Variants in RFX3 observed in about 807,000 individuals in gnomAD.
RFX3 encodes the protein transcription factor RFX3.
In RFX3, 14 loss-of-function variants were observed where a neutral mutation model predicts 98.6. That is an observed-to-expected ratio of 0.14 (90% CI 0.09 to 0.22). The LOEUF is 0.22. RFX3 is among the 10% of genes least tolerant of loss of function. RFX3 has a pLI of 1.00. For missense variants in RFX3, 639 were observed against 926.9 expected (o/e 0.69, Z 4.03); for synonymous variants, 383 against 328.4 (o/e 1.17, Z -1.80).
chr9:3,312,493 C>A (rs1830073436), intron 4 of RFX3, among the ~76,000 whole-genome samples: 1 of 151,518 alleles, frequency 6.6e-6, no homozygotes, highest in Non-Finnish European at 1.5e-5. Flanking sequence ...AAACAATATG[C>A]AAATACATTA....
intron 4 of RFX3, among the ~76,000 whole-genome samples, chr9:3,307,031 G>A (rs1052140870): frequency 2.6e-5 from 4 of 152,032 alleles, no homozygotes; most frequent in Non-Finnish European, 1.5e-5. Flanking sequence ...GATCTCATGA[G>A]ATTTCATGGT....
At chr9:3,367,880 A>G (rs561764490) in intron 2 of RFX3, among the ~76,000 whole-genome samples, 38 of 152,348 alleles carry the variant, frequency 2.5e-4, no homozygotes, top group African/African-American at 8.4e-4. Flanking sequence ...CTCAAAGTCA[A>G]TGAGTAAAGT....
intron 4 of RFX3, among the ~76,000 whole-genome samples, chr9:3,324,900 G>A (rs1831740852): frequency 6.6e-6 from 1 of 152,016 alleles, no homozygotes; most frequent in South Asian, 2.1e-4. Context: ...GGAGGTGGAG[G>A]TTGCAGTGAG....
intron 1 of RFX3, among the ~76,000 whole-genome samples, chr9:3,409,843 T>G (rs142235856): frequency 1.6e-4 from 24 of 152,128 alleles, no homozygotes; most frequent in African/African-American, 5.8e-4. Context: ...AGGCTCCCAT[T>G]TCACAGAGAA....
At chr9:3,358,163 T>C (rs550087741) in intron 2 of RFX3, among the ~76,000 whole-genome samples, 134 of 152,260 alleles carry the variant, frequency 8.8e-4, no homozygotes, top group Non-Finnish European at 1.6e-3. Flanking sequence ...AAATGATATC[T>C]AATCTATCAA....
intron 1 of RFX3, among the ~76,000 whole-genome samples, chr9:3,513,908 T>G (rs1430150759): frequency 6.6e-6 from 1 of 152,180 alleles, no homozygotes; most frequent in Non-Finnish European, 1.5e-5. Context: ...GCTCTACTCA[T>G]TCAATATTAT....
intron 1 of RFX3, among the ~76,000 whole-genome samples, chr9:3,440,878 AAAAC>A (rs1226073831): frequency 7.9e-5 from 12 of 152,232 alleles, no homozygotes; most frequent in African/African-American, 1.7e-4. Context: ...TACTGGGGTA[AAAAC>A]AAACAAACAC....
chr9:3,270,130 A>AGAAAGAAAGAAAG (rs1563833724), intron 11 of RFX3, among the ~76,000 whole-genome samples: 137 of 107,256 alleles, frequency 1.3e-3, no homozygotes, highest in Non-Finnish European at 1.4e-3. Context: ...AAGAAAGGAA[A>AGAAAGAAAGAAAG]GAAAGAAAGA....
intron 11 of RFX3, among the ~76,000 whole-genome samples, chr9:3,269,438 C>A (rs901013803): frequency 6.6e-6 from 1 of 151,998 alleles, no homozygotes; most frequent in African/African-American, 2.4e-5. Context: ...TACACAGTAG[C>A]CAACTTCACA....
chr9:3,261,265 A>G (rs1822852439), intron 13 of RFX3, among the ~76,000 whole-genome samples: 1 of 152,066 alleles, frequency 6.6e-6, no homozygotes, highest in African/African-American at 2.4e-5. Flanking sequence ...ATTTTCCTAA[A>G]AATAAACCCC....
At chr9:3,418,904 T>A (rs1043402080) in intron 1 of RFX3, among the ~76,000 whole-genome samples, 1 of 152,148 alleles carries the variant, frequency 6.6e-6, no homozygotes. Flanking sequence ...TTACATGGAG[T>A]GTTTTTGGAT....
intron 4 of RFX3, among the ~76,000 whole-genome samples, chr9:3,311,102 C>A (rs1829902619): frequency 1.3e-5 from 2 of 152,184 alleles, no homozygotes; most frequent in African/African-American, 4.8e-5. Context: ...ACTCTGTTAA[C>A]ATCATCAGTG....
intron 2 of RFX3, among the ~76,000 whole-genome samples, chr9:3,380,801 A>G (rs1237933543): frequency 1.3e-5 from 2 of 152,206 alleles, no homozygotes; most frequent in East Asian, 3.8e-4. Flanking sequence ...ACTTAGATTT[A>G]ACACAATTAG....
intron 13 of RFX3, 147 bp from the exon 14 acceptor site, chr9:3,257,346 C>G (rs1310904702): frequency 2.1e-5 from 14 of 663,028 alleles, no homozygotes; most frequent in Admixed American, 8.8e-5. Context: ...AACTACTTGT[C>G]AATTGTTAGG....
chr9:3,487,439 T>A (rs1477429415), intron 1 of RFX3, among the ~76,000 whole-genome samples: 3 of 152,226 alleles, frequency 2.0e-5, no homozygotes, highest in African/African-American at 7.2e-5. Context: ...GGTTAGTAAC[T>A]TGTATATCCT....
intron 1 of RFX3, among the ~76,000 whole-genome samples, chr9:3,456,384 A>G (rs766432012): frequency 6.6e-6 from 1 of 152,246 alleles, no homozygotes; most frequent in South Asian, 2.1e-4. Flanking sequence ...TCAGTATTAC[A>G]GACCATCTTA....
At chr9:3,422,988 G>C (rs1423904198) in intron 1 of RFX3, among the ~76,000 whole-genome samples, 1 of 152,088 alleles carries the variant, frequency 6.6e-6, no homozygotes, top group East Asian at 1.9e-4. Flanking sequence ...TGACAACCTT[G>C]GGAAGATAAA....
At chr9:3,494,580 T>C (rs1228263175) in intron 1 of RFX3, among the ~76,000 whole-genome samples, 1 of 152,128 alleles carries the variant, frequency 6.6e-6, no homozygotes, top group Non-Finnish European at 1.5e-5. Context: ...AAATCATAGT[T>C]GTATCTATCT....
intron 1 of RFX3, among the ~76,000 whole-genome samples, chr9:3,400,733 G>A (rs1841398091): frequency 6.6e-6 from 1 of 152,184 alleles, no homozygotes; most frequent in African/African-American, 2.4e-5. Context: ...GGCCTCTCAT[G>A]TAATAGTTTT....
Sources: allele counts gnomAD v4.1 joint callset (sites outside exome capture counted in the v4.1 genomes callset), GRCh38; gene constraint gnomAD v4.1.1; transcripts MANE v1.5; gene names NCBI Gene and HGNC (gene_info 2026-07-23, HGNC 2026-07-21).